SOS1: variants seen among roughly 807,000 people sequenced by gnomAD.
SOS1 encodes the protein son of sevenless homolog 1.
SOS1 carries 25 observed loss-of-function variants against 157.6 expected under a neutral mutation model. That is an observed-to-expected ratio of 0.16 (90% CI 0.12 to 0.22). SOS1 has a LOEUF of 0.22. Ranked by LOEUF, SOS1 falls within the 10% of genes least tolerant of loss-of-function variation. The pLI, the probability that SOS1 is intolerant of heterozygous loss-of-function variation, is 1.00. For missense variants in SOS1, 1,237 were observed against 1,599.1 expected (o/e 0.77, Z 3.86); for synonymous variants, 528 against 534.0 (o/e 0.99, Z 0.16).
intron 1 of SOS1, among the ~76,000 whole-genome samples, chr2:39,117,957 T>TCC (rs1238236564): frequency 3.7e-4 from 56 of 152,330 alleles, no homozygotes; most frequent in African/African-American, 1.3e-3. Flanking sequence ...AGTTTGTATA[T>TCC]CCCCTCACCT....
intron 2 of SOS1, among the ~76,000 whole-genome samples, chr2:39,059,013 T>G (rs1671310214): frequency 6.6e-6 from 1 of 152,120 alleles, no homozygotes; most frequent in Admixed American, 6.5e-5. Context: ...ACATTCTTTC[T>G]ATTATCTAGG....
chr2:39,075,655 T>G (rs532390411), intron 1 of SOS1, among the ~76,000 whole-genome samples: 1 of 151,004 alleles, frequency 6.6e-6, no homozygotes, highest in Admixed American at 6.6e-5. Context: ...TATAATAAAT[T>G]TTTTAAATTA....
chr2:39,002,997 G>A (rs1173266049), intron 17 of SOS1, among the ~76,000 whole-genome samples: 3 of 150,874 alleles, frequency 2.0e-5, no homozygotes, highest in Non-Finnish European at 2.9e-5. Flanking sequence ...CCCATGAGGT[G>A]GAGGATGCAG....
At chr2:39,118,710 T>C (rs991988133) in intron 1 of SOS1, among the ~76,000 whole-genome samples, 2 of 152,186 alleles carry the variant, frequency 1.3e-5, no homozygotes, top group African/African-American at 4.8e-5. Flanking sequence ...TTCCTATTCT[T>C]CAAGAAAAGC....
intron 5 of SOS1, among the ~76,000 whole-genome samples, chr2:39,052,079 T>G (rs1671036604): frequency 6.6e-6 from 1 of 152,158 alleles, no homozygotes; most frequent in African/African-American, 2.4e-5. Flanking sequence ...TCCTTTCCTC[T>G]CCCCAGTGCC....
chr2:39,082,129 C>A (rs1254811309), intron 1 of SOS1, among the ~76,000 whole-genome samples: 1 of 152,166 alleles, frequency 6.6e-6, no homozygotes, highest in Non-Finnish European at 1.5e-5. Flanking sequence ...GTTGTGCTAT[C>A]AAATACTAGG....
At chr2:39,038,075 T>C (rs1386814119) in intron 6 of SOS1, among the ~76,000 whole-genome samples, 1 of 152,230 alleles carries the variant, frequency 6.6e-6, no homozygotes, top group Non-Finnish European at 1.5e-5. Flanking sequence ...CTTCAAGTTT[T>C]ATTATTTCAC....
intron 1 of SOS1, among the ~76,000 whole-genome samples, chr2:39,078,521 A>G (rs530730634): frequency 1.3e-5 from 1 of 76,084 alleles, no homozygotes; most frequent in Non-Finnish European, 2.9e-5. Flanking sequence ...ACCAGGCCAC[A>G]GAGCAGGTGA....
chr2:38,981,894 A>G lies in SOS1; in HGVS notation c.*3930T>C, dbSNP rs536821906. On this transcript the variant is annotated 3_prime_UTR_variant, in exon 23 of 23. Transcript: ENST00000402219. ...AAATTCTCTGGTGGTTTCACCAGAT[A>G]TTTGCACCCCAAAGTTCCCTGCCCA... 1 of 152,280 alleles carries G rather than the reference A, an allele frequency of 6.6e-6. No individual in the cohort carries two copies. The highest frequency in any genetic ancestry group is 1.9e-4 in the East Asian group (1 of 5,184). 9.4% of individuals were successfully genotyped at this position (152,280 alleles called of 1,614,324 possible). A position where few individuals can be genotyped will look rare whatever the true frequency, so the allele number is the denominator to read the frequency against.
intron 1 of SOS1, among the ~76,000 whole-genome samples, chr2:39,080,747 T>C (rs1672171977): frequency 6.6e-6 from 1 of 152,086 alleles, no homozygotes; most frequent in African/African-American, 2.4e-5. Flanking sequence ...AGTTTTTAAC[T>C]GCAATTTTTT....
At chr2:39,091,296 G>C (rs1024100485) in intron 1 of SOS1, among the ~76,000 whole-genome samples, 1 of 152,142 alleles carries the variant, frequency 6.6e-6, no homozygotes, top group African/African-American at 2.4e-5. Context: ...AGGGTAGTGA[G>C]CATGTCTTAC....
At chr2:38,998,204 G>A (rs879033355) in intron 17 of SOS1, among the ~76,000 whole-genome samples, 2 of 151,894 alleles carry the variant, frequency 1.3e-5, no homozygotes, top group Admixed American at 1.3e-4. Context: ...TCTGGAACCA[G>A]TTCTGCTGCC....
At chr2:39,027,328 G>A (rs1360406501) in intron 8 of SOS1, among the ~76,000 whole-genome samples, 4 of 152,084 alleles carry the variant, frequency 2.6e-5, no homozygotes, top group Non-Finnish European at 1.5e-5. Context: ...GAATATTCTG[G>A]TATCTCAAAA....
At chr2:39,045,273 A>AGAGAGT (rs138343013) in intron 6 of SOS1, among the ~76,000 whole-genome samples, 52 of 108,092 alleles carry the variant, frequency 4.8e-4, no homozygotes, top group East Asian at 3.5e-3. Context: ...AGAGAGAGAG[A>AGAGAGT]GTGTGTGTGT....
intron 1 of SOS1, among the ~76,000 whole-genome samples, chr2:39,109,447 G>A (rs528581287): frequency 6.6e-6 from 1 of 152,142 alleles, no homozygotes; most frequent in Non-Finnish European, 1.5e-5. Context: ...ATGTAAAAGG[G>A]CTGAGCTCCT....
At chr2:39,122,214 G>A (rs968937930), upstream of SOS1, among the ~76,000 whole-genome samples, 1 of 151,986 alleles carries the variant, frequency 6.6e-6, no homozygotes, top group Non-Finnish European at 1.5e-5. Context: ...TGGATCACCT[G>A]AGGTCAGGAG....
At chr2:38,997,573 C>T in intron 17 of SOS1, 148 bp from the exon 18 acceptor site, 1 of 549,884 alleles carries the variant, frequency 1.8e-6, no homozygotes, top group African/African-American at 1.9e-5. Flanking sequence ...ATGAAAACAG[C>T]AGCTTAAGAG....
chr2:38,984,775 C>A lies in SOS1; in HGVS notation c.*1049G>T, dbSNP rs992013519. ...TTCAATTAAATTAAAACAGACCTGCCAGGTATATTATATAACATTCACTAT... is the reference window on the plus strand; with the variant it reads ...TTCAATTAAATTAAAACAGACCTGCAAGGTATATTATATAACATTCACTAT... On this transcript the variant is annotated 3_prime_UTR_variant, in exon 23 of 23. Coordinates refer to ENST00000402219, the MANE Select transcript of SOS1 (RefSeq NM_005633.4). 2.0e-5 allele frequency: 3 copies of A among 152,020 alleles called. No individual in the cohort carries two copies. Among genetic ancestry groups the A allele is most frequent in the East Asian group, 3.9e-4 (2 of 5,192 alleles). 9.4% of individuals were successfully genotyped at this position (152,020 alleles called of 1,614,324 possible). A position where few individuals can be genotyped will look rare whatever the true frequency, so the allele number is the denominator to read the frequency against.
At chr2:39,063,826 T>TG (rs1671494875) in intron 2 of SOS1, among the ~76,000 whole-genome samples, 1 of 149,880 alleles carries the variant, frequency 6.7e-6, no homozygotes, top group South Asian at 2.1e-4. Context: ...TCTTTAAACA[T>TG]TTTTTTTTTC....
Sources: allele counts gnomAD v4.1 joint callset (sites outside exome capture counted in the v4.1 genomes callset), GRCh38; gene constraint gnomAD v4.1.1; transcripts MANE v1.5; gene names NCBI Gene and HGNC (gene_info 2026-07-23, HGNC 2026-07-21).